The following TTC1 variants were observed in gnomAD, a reference collection of about 807,000 sequenced individuals.
TTC1 encodes tetratricopeptide repeat domain 1, also known as tetratricopeptide repeat protein 1.
Under a neutral mutation model 37.6 loss-of-function variants are expected in TTC1, and 31 were observed. The observed-to-expected ratio is 0.82, with a 90% confidence interval of 0.62 to 1.11. The LOEUF (loss-of-function observed/expected upper bound fraction) is 1.11. TTC1 is among the 50% of genes most tolerant of loss of function. TTC1 has a pLI of 0.00. For synonymous variants in TTC1, 127 were observed against 122.4 expected, an observed-to-expected ratio of 1.04 and a Z score of -0.25; for missense variants, 351 against 339.0, an observed-to-expected ratio of 1.04 and a Z score of -0.28.
intron 2 of TTC1, among the ~76,000 whole-genome samples, chr5:160,029,536 T>A (rs1756869298): frequency 6.7e-6 from 1 of 149,192 alleles, no homozygotes; most frequent in South Asian, 2.1e-4. Context: ...TGGTCCTAGG[T>A]ACTGGGGAAG....
At chr5:160,046,576 A>G (rs1472252283) in intron 5 of TTC1, among the ~76,000 whole-genome samples, 1 of 152,160 alleles carries the variant, frequency 6.6e-6, no homozygotes, top group Admixed American at 6.5e-5. Context: ...CAATGTAGCC[A>G]TTCCACCTTG....
intron 7 of TTC1, among the ~76,000 whole-genome samples, chr5:160,054,743 A>G (rs142599682): frequency 6.6e-6 from 1 of 152,330 alleles, no homozygotes; most frequent in East Asian, 1.9e-4. Context: ...TGAGGAACAT[A>G]AAGATTTGAA....
intron 6 of TTC1, 99 bp from the exon 7 acceptor site, chr5:160,051,030 C>A: frequency 1.1e-6 from 1 of 894,346 alleles, no homozygotes; most frequent in Non-Finnish European, 1.7e-6. Context: ...GATCTTATTT[C>A]CACATTAGGA....
chr5:160,020,918 A>G (rs1165994451), intron 2 of TTC1, among the ~76,000 whole-genome samples: 1 of 152,202 alleles, frequency 6.6e-6, no homozygotes, highest in Admixed American at 6.5e-5. Flanking sequence ...CTTCCCCAAG[A>G]CCCTAGTCCG....
chr5:160,032,349 C>A (rs879407770), intron 2 of TTC1, among the ~76,000 whole-genome samples: 7 of 152,120 alleles, frequency 4.6e-5, no homozygotes, highest in South Asian at 2.1e-4. Flanking sequence ...GATGATTTAA[C>A]CCCTCTCTAA....
chr5:160,026,783 A>G (rs1030318001), intron 2 of TTC1, among the ~76,000 whole-genome samples: 1 of 151,922 alleles, frequency 6.6e-6, no homozygotes, highest in African/African-American at 2.4e-5. Flanking sequence ...GTCCATTCAT[A>G]TTTTATCTGC....
intron 5 of TTC1, among the ~76,000 whole-genome samples, chr5:160,048,945 C>T (rs1581114908): frequency 2.4e-5 from 2 of 85,086 alleles, no homozygotes; most frequent in African/African-American, 9.9e-5. Context: ...AGCGAGACTC[C>T]GTCTAAAAAA....
At chr5:160,030,320 C>A (rs1756887948) in intron 2 of TTC1, among the ~76,000 whole-genome samples, 1 of 152,058 alleles carries the variant, frequency 6.6e-6, no homozygotes, top group Non-Finnish European at 1.5e-5. Flanking sequence ...CTCTGAGAGA[C>A]AATAGTGAGA....
rs1561640294 is a variant in TTC1 at position 160,057,001 on chromosome 5, T to C, written c.745+5818T>C. ...TCTTTTTTTTTTTCCACATTTCTCT[T>C]CATACTATTCTGCCTGATATCTGTC... On this transcript the variant is annotated intron_variant, in intron 7 of 7. Transcript: ENST00000231238. This position sits in a 1 kb window ranked among gnomAD's most constrained non-coding sequence, Gnocchi z 4.4. 1.3e-5 allele frequency among the ~76,000 whole-genome samples: 2 copies of C among 152,066 alleles called. No individual in the cohort carries two copies. Among genetic ancestry groups the C allele is most frequent in the Non-Finnish European group, 2.9e-5 (2 of 67,994 alleles).
intron 2 of TTC1, chr5:160,023,640 G>T: frequency 2.0e-6 from 2 of 991,124 alleles, no homozygotes; most frequent in Non-Finnish European, 3.0e-6. Flanking sequence ...ATGGACACAG[G>T]TGACTAAGCT....
At chr5:160,017,366 G>C (rs1055414396) in intron 2 of TTC1, among the ~76,000 whole-genome samples, 8 of 152,192 alleles carry the variant, frequency 5.3e-5, no homozygotes, top group African/African-American at 1.9e-4. Context: ...CTTCCTTACA[G>C]ATGGCACCAT....
intron 5 of TTC1, among the ~76,000 whole-genome samples, chr5:160,046,940 A>C (rs911539991): frequency 3.3e-5 from 5 of 152,146 alleles, no homozygotes; most frequent in Admixed American, 1.3e-4. Flanking sequence ...TGAACCTGGG[A>C]GGTGGAGGTT....
intron 2 of TTC1, 38 bp from the exon 3 acceptor site, chr5:160,035,102 T>C (rs1186674091): frequency 1.3e-6 from 2 of 1,546,170 alleles, no homozygotes; most frequent in Non-Finnish European, 1.7e-6. Flanking sequence ...CTTATAATAA[T>C]ATTGTGAGAA....
At chr5:160,064,838 A>C in intron 7 of TTC1, 94 bp from the exon 8 acceptor site, 2 of 1,326,756 alleles carry the variant, frequency 1.5e-6, no homozygotes, top group South Asian at 2.8e-5. Context: ...AGATACTTTT[A>C]TATTTTGTAC....
chr5:160,012,897 C>T (rs1243256313), intron 2 of TTC1, among the ~76,000 whole-genome samples: 1 of 152,170 alleles, frequency 6.6e-6, no homozygotes, highest in African/African-American at 2.4e-5. Flanking sequence ...TGTGCTTTAT[C>T]AGTCATTCCT....
chr5:160,020,679 C>T (rs1349888591), intron 2 of TTC1, among the ~76,000 whole-genome samples: 1 of 152,224 alleles, frequency 6.6e-6, no homozygotes, highest in African/African-American at 2.4e-5. Flanking sequence ...GTGAATTGCA[C>T]ATGCAAGGGA....
At position 160,055,813 on chromosome 5, in the gene TTC1, C is replaced by T. The variant is rs547420645; in HGVS notation, c.745+4630C>T. Among the ~76,000 whole-genome samples the T allele has an allele frequency of 7.5e-4, 114 of 152,330 alleles. 1 individual carries two copies. The South Asian group carries it at 0.017, about 22-fold the overall frequency. On this transcript the variant is annotated intron_variant, in intron 7 of 7. Transcript: ENST00000231238. Reference sequence around the variant, plus strand: ...ACCTCCTGAGCAAAAGCAGCCATGGCACTGAGTTTTATCTTTTCTTCTTTG... The same window carrying T: ...ACCTCCTGAGCAAAAGCAGCCATGGTACTGAGTTTTATCTTTTCTTCTTTG...
chr5:160,046,882 C>T (rs926496524), intron 5 of TTC1, among the ~76,000 whole-genome samples: 31 of 151,944 alleles, frequency 2.0e-4, no homozygotes, highest in African/African-American at 6.5e-4. Flanking sequence ...CATGGCGGCA[C>T]GTGCCTGTAA....
Position 160,058,434 on chromosome 5 carries a change from G to A in TTC1, c.746-6498G>A, listed in dbSNP as rs200291843. Among the ~76,000 whole-genome samples, 18 of 141,342 alleles carry A rather than the reference G, an allele frequency of 1.3e-4. No homozygotes were observed. The East Asian group carries it at 1.6e-3, about 13-fold the overall frequency. 92.7% of individuals were successfully genotyped at this position (141,342 alleles called of 152,430 possible). ...CTTTTTTTTTTTTTTTTTTTGAGAC[G>A]GAGTCTCGCTGTGTCGCCCAGGCTG... On this transcript the variant is annotated intron_variant, in intron 7 of 7. Transcript: ENST00000231238.
Sources: gnomAD v4.1 joint callset for allele counts (sites outside exome capture counted in the v4.1 genomes callset) on GRCh38, gnomAD v4.1.1 for gene constraint, Gnocchi (gnomAD v3.1) non-coding constraint, MANE v1.5 for transcripts, NCBI Gene and HGNC (gene_info 2026-07-23, HGNC 2026-07-21) for gene names.